VWF: variants seen among roughly 807,000 people sequenced by gnomAD.
VWF encodes Factor VIII related antigen.
Under a neutral mutation model 308.6 loss-of-function variants are expected in VWF, and 176 were observed. The ratio of observed to expected loss-of-function variants is 0.57; its 90% CI spans 0.50 to 0.65. The LOEUF (loss-of-function observed/expected upper bound fraction) is 0.65, where lower values mean the gene tolerates loss of function less well. Among genes scored for constraint, VWF ranks in the 30% least tolerant of loss-of-function variants. The probability of loss-of-function intolerance (pLI) is 0.00; values close to 1 mark genes in which losing one functional copy is unlikely to be tolerated. For synonymous variants in VWF, 1,385 were observed against 1,443.4 expected (o/e 0.96, Z 0.92); for missense variants, 3,146 against 3,648.2 (o/e 0.86, Z 3.55).
intron 17 of VWF, among the ~76,000 whole-genome samples, chr12:6,044,669 C>T (rs1383792880): frequency 6.6e-6 from 1 of 152,174 alleles, no homozygotes; most frequent in Non-Finnish European, 1.5e-5. Flanking sequence ...TTGGTGGCAG[C>T]TCTTCTGACC....
chr12:5,964,373 C>T, intron 47 of VWF, among the ~76,000 whole-genome samples: 1 of 151,856 alleles, frequency 6.6e-6, no homozygotes, highest in South Asian at 2.1e-4. Context: ...AGAAGAAAAA[C>T]AAATTATAGT....
rs111918497 is a variant in VWF, at chr12:6,032,934, A to T, written c.2686-1356T>A. Among the ~76,000 whole-genome samples the T allele has an allele frequency of 6.5e-3, 992 of 152,092 alleles. 11 individuals are homozygous for T. The highest frequency in any genetic ancestry group is 0.021 in the African/African-American group (867 of 41,494). ...CGTAGCCATACACACACACGCGCTC[A>T]CGCATACACACACATACACCCATGT... On this transcript the variant is annotated intron_variant, in intron 20 of 51. Coordinates refer to ENST00000261405, the MANE Select transcript of VWF (RefSeq NM_000552.5).
chr12:6,019,473 G>A lies in VWF; in HGVS notation c.3945C>T (p.Arg1315=), dbSNP rs143009893. 2.6e-5 allele frequency: 42 copies of A among 1,613,908 alleles called. No homozygotes were observed. The East Asian group carries it at 3.3e-4, about 13-fold the overall frequency. ...CGTCGTGGTACTCCACCACGGCCAC[G>A]CGGACCCACTTCTGGGAGATGCGCA... The part of the protein sequence containing the change: ...ERLRISQKWV[R]VAVVEYHDGS... The change falls in exon 28 of 52, where the codon CGC becomes CGT. Residue 1315 remains arginine, a synonymous_variant. Coordinates refer to ENST00000261405, the MANE Select transcript of VWF (RefSeq NM_000552.5). This position sits in a 1 kb window ranked among gnomAD's most constrained non-coding sequence, Gnocchi z 5.8.
At chr12:6,001,802 G>C (rs972502501) in intron 34 of VWF, among the ~76,000 whole-genome samples, 2 of 152,130 alleles carry the variant, frequency 1.3e-5, no homozygotes, top group Non-Finnish European at 2.9e-5. Flanking sequence ...CCTGATAATA[G>C]AGAATACACC....
chr12:6,009,083 G>C (rs1196251881), intron 34 of VWF, among the ~76,000 whole-genome samples: 2 of 152,054 alleles, frequency 1.3e-5, no homozygotes, highest in African/African-American at 4.8e-5. Flanking sequence ...AAATAGACAA[G>C]TGGGACTACA....
chr12:6,011,205 G>A (rs946687894), intron 34 of VWF, among the ~76,000 whole-genome samples: 7 of 152,148 alleles, frequency 4.6e-5, no homozygotes, highest in Non-Finnish European at 7.3e-5. Flanking sequence ...AATCCAGGCC[G>A]CCTTGGTGAT....
intron 3 of VWF, 88 bp downstream of exon 3, chr12:6,121,086 G>A: frequency 2.6e-6 from 4 of 1,559,394 alleles, no homozygotes; most frequent in Non-Finnish European, 3.5e-6. Flanking sequence ...CTCAGACACT[G>A]TCCTGAGAGC....
At chr12:5,959,312 A>G (rs1329737374) in intron 47 of VWF, among the ~76,000 whole-genome samples, 2 of 152,250 alleles carry the variant, frequency 1.3e-5, no homozygotes, top group Non-Finnish European at 2.9e-5. Flanking sequence ...ACAGAACTTC[A>G]TAATATATGA....
intron 34 of VWF, among the ~76,000 whole-genome samples, chr12:6,004,840 T>C (rs777019970): frequency 1.3e-5 from 2 of 152,018 alleles, no homozygotes; most frequent in Non-Finnish European, 2.9e-5. Context: ...ACAAGGAAGA[T>C]TCAATACTTG....
chr12:6,023,415 T>C (rs1358878843), intron 25 of VWF, among the ~76,000 whole-genome samples: 1 of 152,210 alleles, frequency 6.6e-6, no homozygotes, highest in Non-Finnish European at 1.5e-5. Flanking sequence ...AGTCTCCACA[T>C]GTTCATGCCT....
At chr12:6,112,852 A>ACACACACCCC (rs1488406586) in intron 3 of VWF, among the ~76,000 whole-genome samples, 2 of 147,206 alleles carry the variant, frequency 1.4e-5, no homozygotes, top group African/African-American at 5.2e-5. Context: ...ACACACACAC[A>ACACACACCCC]CCACACGCAC....
In VWF at chr12:5,996,004, C is replaced by T. The variant is rs1187745342; in HGVS notation, c.6061G>A (p.Glu2021Lys). 20 of 1,612,354 alleles carry T rather than the reference C, an allele frequency of 1.2e-5. No individual in the cohort carries two copies. Among genetic ancestry groups the T allele is most frequent in the Admixed American group, 3.3e-5 (2 of 59,982 alleles). Residue 2021 changes from glutamate (E) to lysine (K), a missense_variant and splice_region_variant, in exon 35 of 52, where the codon GAG becomes AAG. By Grantham distance (56) the Glu-to-Lys change is moderately conservative. This residue lies in a region of VWF where 989 missense variants were observed against 1,117.4 expected (regional missense o/e 0.89). Transcript: ENST00000261405. ...GATCCACAGAAAGTACTTCTCACCT[C>T]CATGTCACTGTGCAGCTCGACGGAG... ...ALSVELHSDM[E>K]VTVNGRLVSV...
chr12:5,989,063 A>G (rs1368579830), intron 38 of VWF, among the ~76,000 whole-genome samples: 1 of 152,138 alleles, frequency 6.6e-6, no homozygotes, highest in African/African-American at 2.4e-5. Flanking sequence ...ACTAAGGGAG[A>G]GGGAAGGAGG....
At chr12:6,036,608 G>A in intron 18 of VWF, 117 bp from the exon 19 acceptor site, 1 of 960,170 alleles carries the variant, frequency 1.0e-6, no homozygotes, top group Non-Finnish European at 1.6e-6. Context: ...CCCAGCACTG[G>A]GACTGGCACC....
chr12:5,979,531 C>G (rs1366699660), intron 42 of VWF, among the ~76,000 whole-genome samples: 1 of 151,996 alleles, frequency 6.6e-6, no homozygotes, highest in Non-Finnish European at 1.5e-5. Context: ...GCGGGTGGAT[C>G]ACAAGGTCAA....
At chr12:6,111,004 C>T in intron 3 of VWF, 36 bp from the exon 4 acceptor site, 1 of 1,546,584 alleles carries the variant, frequency 6.5e-7, no homozygotes, top group South Asian at 1.1e-5. Context: ...GTGATTATTA[C>T]TCCTCTCAAA....
rs542949543 is a variant in VWF at position 6,024,843 on chromosome 12, T to C, written c.3222+737A>G. On this transcript the variant is annotated intron_variant, in intron 24 of 51. Coordinates refer to ENST00000261405, the MANE Select transcript of VWF (RefSeq NM_000552.5). This position sits in a 1 kb window ranked among gnomAD's most constrained non-coding sequence, Gnocchi z 4.0. ...TTCAAGGCCAGCCTGACCAACATGG[T>C]GAAACCTTGACTCTACTAAAAATAC... Among the ~76,000 whole-genome samples the C allele has an allele frequency of 6.6e-6, 1 of 152,196 alleles. No homozygotes were observed. Among genetic ancestry groups the C allele is most frequent in the South Asian group, 2.1e-4 (1 of 4,812 alleles).
At chr12:6,043,202 GTC>G (rs1944412137) in intron 18 of VWF, among the ~76,000 whole-genome samples, 1 of 152,214 alleles carries the variant, frequency 6.6e-6, no homozygotes, top group Non-Finnish European at 1.5e-5. Context: ...ACAAGAGTTG[GTC>G]TCTCTGTTTG....
intron 47 of VWF, among the ~76,000 whole-genome samples, chr12:5,957,039 A>G (rs188454145): frequency 6.6e-6 from 1 of 152,226 alleles, no homozygotes; most frequent in East Asian, 1.9e-4. Context: ...TATCCTTTAT[A>G]TATTTTTTAC....
Sources: allele counts gnomAD v4.1 joint callset (sites outside exome capture counted in the v4.1 genomes callset), GRCh38; gene constraint gnomAD v4.1.1; regional missense constraint gnomAD v4.1.1; non-coding constraint Gnocchi (gnomAD v3.1); transcripts MANE v1.5; gene names NCBI Gene and HGNC (gene_info 2026-07-23, HGNC 2026-07-21).